SUCO: variants seen among roughly 807,000 people sequenced by gnomAD.
SUCO encodes the protein SUN domain-containing ossification factor.
Under a neutral mutation model 148.1 loss-of-function variants are expected in SUCO, and 57 were observed. The ratio of observed to expected loss-of-function variants is 0.38; its 90% CI spans 0.31 to 0.48. The LOEUF is 0.48. Ranked by LOEUF, SUCO falls within the 20% of genes least tolerant of loss-of-function variation. The probability of loss-of-function intolerance (pLI) is 0.96; values close to 1 mark genes in which losing one functional copy is unlikely to be tolerated. For missense variants in SUCO, 1,331 were observed against 1,468.2 expected (o/e 0.91, Z 1.53); for synonymous variants, 470 against 502.7 (o/e 0.93, Z 0.87).
At chr1:172,538,307 A>G (rs1652176378) in intron 1 of SUCO, among the ~76,000 whole-genome samples, 1 of 152,204 alleles carries the variant, frequency 6.6e-6, no homozygotes, top group African/African-American at 2.4e-5. Flanking sequence ...ATGTCAGACC[A>G]GTTTTTATCA....
At chr1:172,575,233 C>G (rs571769817) in intron 10 of SUCO, among the ~76,000 whole-genome samples, 1 of 151,942 alleles carries the variant, frequency 6.6e-6, no homozygotes, top group African/African-American at 2.4e-5. Context: ...AAGACAGTCT[C>G]TTGGTGACTT....
At chr1:172,543,764 T>A (rs1364113049) in intron 1 of SUCO, among the ~76,000 whole-genome samples, 1 of 152,042 alleles carries the variant, frequency 6.6e-6, no homozygotes, top group East Asian at 1.9e-4. Context: ...TGCACGTGAT[T>A]TGACTATGGA....
chr1:172,570,599 TTAAAA>T (rs1654885058), intron 8 of SUCO, 59 bp from the exon 9 acceptor site: 2 of 1,155,834 alleles, frequency 1.7e-6, no homozygotes, highest in African/African-American at 3.1e-5. Flanking sequence ...AACTTTAAAG[TTAAAA>T]TAAATACTTT....
intron 14 of SUCO, 75 bp from the exon 15 acceptor site, chr1:172,579,127 A>G (rs2149253023): frequency 1.2e-6 from 1 of 801,512 alleles, no homozygotes. Context: ...TTGACAGGAC[A>G]TAATTTGAGC....
rs1389226518 is a variant in SUCO, at chr1:172,611,479, G to A, written c.*1220G>A. ...TGTGATGTTTAAGTTATAACTTATTGAGCACTTTTAGTAGTGATAACTGTT... is the reference window on the plus strand; with the variant it reads ...TGTGATGTTTAAGTTATAACTTATTAAGCACTTTTAGTAGTGATAACTGTT... On this transcript the variant is annotated 3_prime_UTR_variant, in exon 24 of 24. Transcript: ENST00000263688. The A allele has an allele frequency of 6.6e-6, 1 of 152,628 alleles. No individual in the cohort carries two copies. The highest frequency in any genetic ancestry group is 1.5e-5 in the Non-Finnish European group (1 of 68,028). 9.5% of individuals were successfully genotyped at this position (152,628 alleles called of 1,614,324 possible). A position where few individuals can be genotyped will look rare whatever the true frequency, so the allele number is the denominator to read the frequency against.
chr1:172,533,386 G>A lies in SUCO; in HGVS notation c.-50G>A. The A allele has an allele frequency of 6.4e-7, 1 of 1,551,890 alleles. No homozygotes were observed. Among genetic ancestry groups the A allele is most frequent in the Non-Finnish European group, 8.7e-7 (1 of 1,147,164 alleles). ...CTCCATCTTGGCCTCGGCAGTGGCG[G>A]CTGCCGGGAGGATGTGCCGCCTTCT... On this transcript the variant is annotated 5_prime_UTR_variant, in exon 1 of 24. Coordinates refer to ENST00000263688, the MANE Select transcript of SUCO (RefSeq NM_014283.5).
At chr1:172,573,671 A>C (rs1322468932) in intron 9 of SUCO, among the ~76,000 whole-genome samples, 1 of 152,122 alleles carries the variant, frequency 6.6e-6, no homozygotes, top group Non-Finnish European at 1.5e-5. Context: ...GAGCAAAATC[A>C]ATATTGTTTT....
rs762712987 is a variant in SUCO, at chr1:172,545,917, CTTCCT to C, written c.63-5571_63-5567del. 5.9e-3 allele frequency among the ~76,000 whole-genome samples: 901 copies of C among 151,900 alleles called. 9 individuals are homozygous for C. Among genetic ancestry groups the C allele is most frequent in the African/African-American group, 0.016 (653 of 41,386 alleles). ...CTGTCCGTCCGTCCGTCCTTCCTTC[CTTCCT>C]TTCCTTTCCTTTCCTTTCCTTTCTT... On this transcript the variant is annotated intron_variant, in intron 1 of 23. Coordinates refer to ENST00000263688, the MANE Select transcript of SUCO (RefSeq NM_014283.5).
intron 1 of SUCO, among the ~76,000 whole-genome samples, chr1:172,548,422 T>C (rs1295308417): frequency 1.3e-5 from 2 of 152,010 alleles, no homozygotes; most frequent in Non-Finnish European, 2.9e-5. Flanking sequence ...ATTTTAGCAA[T>C]GCCTATCCAT....
rs772670566 is a variant in SUCO, at chr1:172,533,221, A to G, written c.-215A>G. 6.5e-7 allele frequency: 1 copy of G among 1,535,036 alleles called. No individual in the cohort carries two copies. Among genetic ancestry groups the G allele is most frequent in the South Asian group, 1.2e-5 (1 of 83,258 alleles). On this transcript the variant is annotated 5_prime_UTR_variant, in exon 1 of 24. Transcript: ENST00000263688. ...TGGCTGCAGCGGCGGCGGTCCCCGG[A>G]GTCCTGTGAAGCGCCCCTGTCCGCG...
At chr1:172,593,341 T>G (rs558710958) in intron 19 of SUCO, among the ~76,000 whole-genome samples, 2 of 152,172 alleles carry the variant, frequency 1.3e-5, no homozygotes, top group Admixed American at 1.3e-4. Flanking sequence ...GAGGGCATCC[T>G]TGTCTTGTGC....
At chr1:172,593,189 T>A (rs1389183604) in intron 19 of SUCO, among the ~76,000 whole-genome samples, 1 of 152,122 alleles carries the variant, frequency 6.6e-6, no homozygotes, top group Non-Finnish European at 1.5e-5. Flanking sequence ...GATGATGGGG[T>A]TTTCTAAATA....
At chr1:172,540,783 G>A (rs1026841598) in intron 1 of SUCO, among the ~76,000 whole-genome samples, 3 of 152,078 alleles carry the variant, frequency 2.0e-5, no homozygotes, top group African/African-American at 7.2e-5. Flanking sequence ...GCTTGCAGTG[G>A]GTAGATGGCA....
At position 172,588,832 on chromosome 1, in the gene SUCO, T is replaced by C; in HGVS notation, c.1731T>C (p.Ile577=). 1 of 1,610,298 alleles carries C rather than the reference T, an allele frequency of 6.2e-7. No individual in the cohort carries two copies. The highest frequency in any genetic ancestry group is 8.5e-7 in the Non-Finnish European group (1 of 1,178,198). Residue 577 remains isoleucine, a synonymous_variant, in exon 18 of 24, where the codon ATT becomes ATC. Transcript: ENST00000263688. ...STPDTPKESP[I]VQLVQEEEEE... ...CAGATACTCCAAAAGAGAGTCCCATTGTACAGTTAGTTCAAGAGGAGGAAG... is the reference window on the plus strand; with the variant it reads ...CAGATACTCCAAAAGAGAGTCCCATCGTACAGTTAGTTCAAGAGGAGGAAG...
intron 22 of SUCO, among the ~76,000 whole-genome samples, chr1:172,605,130 G>T (rs1165755819): frequency 1.3e-5 from 2 of 151,706 alleles, no homozygotes; most frequent in African/African-American, 4.8e-5. Context: ...CCTTTAGGTT[G>T]CTTTTTCACT....
chr1:172,542,872 A>G (rs990269726), intron 1 of SUCO: 5 of 985,446 alleles, frequency 5.1e-6, no homozygotes, highest in Non-Finnish European at 6.0e-6. Flanking sequence ...GGTCAACAAT[A>G]TAAAATGTCT....
intron 2 of SUCO, 99 bp from the exon 3 acceptor site, chr1:172,553,161 T>C (rs1392414051): frequency 4.6e-6 from 6 of 1,294,736 alleles, no homozygotes; most frequent in Non-Finnish European, 3.0e-6. Context: ...AAGGCAGTTT[T>C]TTGGTTTTAA....
At chr1:172,566,185 T>C (rs1041025846) in intron 6 of SUCO, among the ~76,000 whole-genome samples, 1 of 152,226 alleles carries the variant, frequency 6.6e-6, no homozygotes, top group Non-Finnish European at 1.5e-5. Context: ...AGCTTTTGAT[T>C]AGTGTTAGAG....
chr1:172,599,331 A>G (rs1287882322), intron 19 of SUCO: 2 of 409,646 alleles, frequency 4.9e-6, no homozygotes, highest in African/African-American at 4.3e-5. Flanking sequence ...TCCGTCTCAA[A>G]AAAAAATAAA....
Sources: allele counts gnomAD v4.1 joint callset (sites outside exome capture counted in the v4.1 genomes callset), GRCh38; gene constraint gnomAD v4.1.1; transcripts MANE v1.5; gene names NCBI Gene and HGNC (gene_info 2026-07-23, HGNC 2026-07-21).